Variants in GLRA1 observed in about 807,000 individuals in gnomAD.
GLRA1 encodes the protein glycine receptor subunit alpha-1.
In GLRA1, 37 loss-of-function variants were observed where a neutral mutation model predicts 48.3. That is an observed-to-expected ratio of 0.77 (90% CI 0.59 to 1.01). The LOEUF is 1.01. GLRA1 is among the 50% of genes least tolerant of loss of function. GLRA1 has a pLI of 0.00. For missense variants in GLRA1, 427 were observed against 571.0 expected, an observed-to-expected ratio of 0.75 and a Z score of 2.57; for synonymous variants, 196 against 210.7, an observed-to-expected ratio of 0.93 and a Z score of 0.60.
chr5:151,832,489 A>T (rs977273837), intron 7 of GLRA1, among the ~76,000 whole-genome samples: 1 of 152,230 alleles, frequency 6.6e-6, no homozygotes, highest in Non-Finnish European at 1.5e-5. Flanking sequence ...CAGCGCAAGA[A>T]CTTCGTGAAG....
At position 151,849,116 on chromosome 5, in the gene GLRA1, C is replaced by CT. The variant is rs1561554253; in HGVS notation, c.912+2273dup. The CT allele has an allele frequency of 7.1e-3, 1,315 of 186,032 alleles. 75 individuals are homozygous for CT. Among genetic ancestry groups the CT allele is most frequent in the African/African-American group, 0.063 (1,206 of 19,004 alleles). 11.5% of individuals were successfully genotyped at this position (186,032 alleles called of 1,614,324 possible). ...TTTATTTCTTTTCTTTTCTTTCTTTCTTTCTTTCTTTCTTTCTTTCTTTCT... is the reference window on the plus strand; with the variant it reads ...TTTATTTCTTTTCTTTTCTTTCTTTCTTTTCTTTCTTTCTTTCTTTCTTTCT... On this transcript the variant is annotated intron_variant, in intron 7 of 8. Coordinates refer to ENST00000274576, the MANE Select transcript of GLRA1 (RefSeq NM_000171.4).
At chr5:151,896,227 C>T (rs959164540) in intron 1 of GLRA1, among the ~76,000 whole-genome samples, 1 of 152,204 alleles carries the variant, frequency 6.6e-6, no homozygotes, top group Non-Finnish European at 1.5e-5. Flanking sequence ...GTCACCCAGC[C>T]ACTGGCTCAC....
Position 151,859,955 on chromosome 5 carries a change from G to T in GLRA1, c.306C>A (p.Ala102=), listed in dbSNP as rs774085354. 6.2e-7 allele frequency: 1 copy of T among 1,614,114 alleles called. No individual in the cohort carries two copies. Among genetic ancestry groups the T allele is most frequent in the South Asian group, 1.1e-5 (1 of 91,080 alleles). ...GAGAGTCGTCAGGGTATTCATTATA[G>T]GCCAGGCGGGGGTCGTTCCATTGCT... ...LRQQWNDPRL[A]YNEYPDDSLD... Residue 102 remains alanine, a synonymous_variant, in exon 4 of 9, where the codon GCC becomes GCA. Transcript: ENST00000274576.
chr5:151,908,058 G>A (rs186834918), intron 1 of GLRA1, among the ~76,000 whole-genome samples: 1 of 152,302 alleles, frequency 6.6e-6, no homozygotes, highest in East Asian at 1.9e-4. Flanking sequence ...AGAGGAGGAA[G>A]GGCCGCCCTT....
intron 1 of GLRA1, among the ~76,000 whole-genome samples, chr5:151,912,262 G>GTTTTTTTTT (rs370730368): frequency 8.2e-6 from 1 of 121,640 alleles, no homozygotes; most frequent in African/African-American, 3.1e-5. Flanking sequence ...TGTGAAGACT[G>GTTTTTTTTT]TTTTTTTTTT....
At chr5:151,860,120 T>G in intron 3 of GLRA1, 112 bp from the exon 4 acceptor site, 3 of 762,510 alleles carry the variant, frequency 3.9e-6, no homozygotes, top group Non-Finnish European at 7.0e-6. Context: ...TGTTATTAAG[T>G]GTGGTTGCAT....
chr5:151,890,317 A>G (rs981667384), intron 2 of GLRA1, among the ~76,000 whole-genome samples: 9 of 152,210 alleles, frequency 5.9e-5, no homozygotes, highest in Non-Finnish European at 1.2e-4. Context: ...AGAATAACTA[A>G]CACATAAACC....
At chr5:151,879,389 C>T (rs955431463) in intron 3 of GLRA1, among the ~76,000 whole-genome samples, 1 of 151,554 alleles carries the variant, frequency 6.6e-6, no homozygotes, top group Admixed American at 6.6e-5. Flanking sequence ...GAGTCCCACT[C>T]TCTTGCCCAG....
At chr5:151,870,332 T>C (rs997684863) in intron 3 of GLRA1, among the ~76,000 whole-genome samples, 8 of 149,678 alleles carry the variant, frequency 5.3e-5, no homozygotes, top group Non-Finnish European at 1.0e-4. Flanking sequence ...GGAAAGCTGA[T>C]AGTGTTGGCA....
chr5:151,833,567 G>A (rs974316712), intron 7 of GLRA1, among the ~76,000 whole-genome samples: 2 of 152,046 alleles, frequency 1.3e-5, no homozygotes, highest in African/African-American at 2.4e-5. Flanking sequence ...GGGTTCAAGC[G>A]ATTCTCCTGC....
intron 3 of GLRA1, among the ~76,000 whole-genome samples, chr5:151,877,136 G>A (rs887551164): frequency 1.3e-5 from 2 of 152,158 alleles, no homozygotes; most frequent in African/African-American, 2.4e-5. Flanking sequence ...ACTTTGTTAT[G>A]GTAGCACACA....
intron 6 of GLRA1, among the ~76,000 whole-genome samples, chr5:151,852,730 A>T (rs543699733): frequency 1.3e-5 from 2 of 152,238 alleles, no homozygotes; most frequent in Non-Finnish European, 2.9e-5. Context: ...GTGTACATTT[A>T]GGTTGTTTCC....
Position 151,892,222 on chromosome 5 carries a change from A to G in GLRA1, c.184+89T>C, listed in dbSNP as rs1754094965. 2.5e-6 allele frequency: 3 copies of G among 1,203,948 alleles called. No homozygotes were observed. In the Admixed American group the frequency reaches 5.0e-5, roughly 20 times the overall value. 74.6% of individuals were successfully genotyped at this position (1,203,948 alleles called of 1,614,324 possible). On this transcript the variant is annotated intron_variant, in intron 2 of 8. Coordinates refer to ENST00000274576, the MANE Select transcript of GLRA1 (RefSeq NM_000171.4). Reference sequence around the variant, plus strand: ...AAGAGTCATGGGATTCACACTGCGTATTTACCATCTGCGTGCATTACCATG... The same window carrying G: ...AAGAGTCATGGGATTCACACTGCGTGTTTACCATCTGCGTGCATTACCATG...
rs371594892 is a variant in GLRA1, at chr5:151,841,998, C to T, written c.912+9392G>A. Reference sequence around the variant, plus strand: ...CTTGAACCCAGGAGTTGGAGGTTGCCGTGAGCCGAGATCGTGCCACTGCAC... The same window carrying T: ...CTTGAACCCAGGAGTTGGAGGTTGCTGTGAGCCGAGATCGTGCCACTGCAC... On this transcript the variant is annotated intron_variant, in intron 7 of 8. Transcript: ENST00000274576. 1.8e-4 allele frequency among the ~76,000 whole-genome samples: 27 copies of T among 150,034 alleles called. No individual in the cohort carries two copies. In the South Asian group the frequency reaches 5.1e-3, roughly 28 times the overall value.
At chr5:151,911,672 C>T (rs1052891206) in intron 1 of GLRA1, among the ~76,000 whole-genome samples, 1 of 147,084 alleles carries the variant, frequency 6.8e-6, no homozygotes, top group African/African-American at 2.5e-5. Context: ...GTGGCACTAC[C>T]TCTGCTCAAT....
At chr5:151,828,815 A>C in intron 8 of GLRA1, 106 bp downstream of exon 8, 1 of 1,182,326 alleles carries the variant, frequency 8.5e-7, no homozygotes, top group East Asian at 2.4e-5. Context: ...TGCCTTGCAC[A>C]TTGAGAAGGA....
chr5:151,895,728 C>A (rs769462703), intron 1 of GLRA1, among the ~76,000 whole-genome samples: 5 of 151,926 alleles, frequency 3.3e-5, no homozygotes, highest in Non-Finnish European at 5.9e-5. Context: ...CACCATGGAG[C>A]CCACATGGCT....
chr5:151,915,775 AC>A (rs1754723564), intron 1 of GLRA1, among the ~76,000 whole-genome samples: 1 of 151,682 alleles, frequency 6.6e-6, no homozygotes, highest in Non-Finnish European at 1.5e-5. Context: ...GTTGAAAGGG[AC>A]CTAGAGGTCA....
chr5:151,899,775 C>T (rs1754318496), intron 1 of GLRA1, among the ~76,000 whole-genome samples: 1 of 152,084 alleles, frequency 6.6e-6, no homozygotes, highest in Admixed American at 6.5e-5. Context: ...CTGCTAAGCA[C>T]CCCTGGGAAC....
Sources: gnomAD v4.1 joint callset for allele counts (sites outside exome capture counted in the v4.1 genomes callset) on GRCh38, gnomAD v4.1.1 for gene constraint, MANE v1.5 for transcripts, NCBI Gene and HGNC (gene_info 2026-07-23, HGNC 2026-07-21) for gene names.